The following GRM3 variants were observed in gnomAD, a reference collection of about 807,000 sequenced individuals.
GRM3 encodes the protein metabotropic glutamate receptor 3.
GRM3 carries 26 observed loss-of-function variants against 70.5 expected under a neutral mutation model. The observed-to-expected ratio is 0.37, with a 90% CI of 0.27 to 0.51. The LOEUF is 0.51. GRM3 is among the 20% of genes least tolerant of loss of function. GRM3 has a pLI of 0.93. For synonymous variants in GRM3, 443 were observed against 434.9 expected (o/e 1.02, Z -0.23); for missense variants, 859 against 1,123.8 (o/e 0.76, Z 3.37).
chr7:86,671,781 T>C (rs1230480483), intron 1 of GRM3, among the ~76,000 whole-genome samples: 3 of 152,206 alleles, frequency 2.0e-5, no homozygotes, highest in East Asian at 1.9e-4. Context: ...TCACTTCATT[T>C]GATTCTTTAC....
chr7:86,684,938 G>A (rs1794528320), intron 1 of GRM3, among the ~76,000 whole-genome samples: 1 of 152,132 alleles, frequency 6.6e-6, no homozygotes, highest in Admixed American at 6.6e-5. Context: ...GATGGTATGA[G>A]GATTAATTGT....
intron 2 of GRM3, among the ~76,000 whole-genome samples, chr7:86,768,758 C>G (rs917268983): frequency 2.0e-5 from 3 of 152,072 alleles, no homozygotes; most frequent in Admixed American, 2.0e-4. Context: ...CTCCATGGCT[C>G]CAACATTTCC....
At chr7:86,802,673 T>A (rs967855814) in intron 3 of GRM3, among the ~76,000 whole-genome samples, 1 of 151,904 alleles carries the variant, frequency 6.6e-6, no homozygotes, top group South Asian at 2.1e-4. Flanking sequence ...CTCTTCCCTA[T>A]CACACCATTC....
chr7:86,852,610 A>T (rs1457241525), intron 5 of GRM3, among the ~76,000 whole-genome samples: 1 of 152,076 alleles, frequency 6.6e-6, no homozygotes, highest in Non-Finnish European at 1.5e-5. Context: ...ACTTTTTTTT[A>T]AAAAAGGTCT....
At chr7:86,744,424 A>G (rs952202982) in intron 1 of GRM3, among the ~76,000 whole-genome samples, 3 of 151,832 alleles carry the variant, frequency 2.0e-5, no homozygotes, top group Non-Finnish European at 4.4e-5. Context: ...GGGCTATCTT[A>G]CAGATTCTAC....
intron 2 of GRM3, chr7:86,784,123 G>C (rs563297169): frequency 6.6e-6 from 1 of 152,162 alleles, no homozygotes; most frequent in East Asian, 1.9e-4. Flanking sequence ...TGGCTAGTTC[G>C]TTCTCTTGCA....
intron 4 of GRM3, among the ~76,000 whole-genome samples, chr7:86,841,778 C>CA (rs1480043423): frequency 2.0e-5 from 3 of 152,094 alleles, no homozygotes; most frequent in Non-Finnish European, 2.9e-5. Flanking sequence ...CTAAGACACA[C>CA]AAAAAATGAC....
chr7:86,762,100 G>A (rs952924504), intron 1 of GRM3, among the ~76,000 whole-genome samples: 2 of 152,034 alleles, frequency 1.3e-5, no homozygotes, highest in African/African-American at 2.4e-5. Context: ...TATCATTAGC[G>A]ATAATGATCG....
At chr7:86,665,882 C>T (rs1458989593) in intron 1 of GRM3, among the ~76,000 whole-genome samples, 1 of 151,998 alleles carries the variant, frequency 6.6e-6, no homozygotes, top group African/African-American at 2.4e-5. Flanking sequence ...GAGTGTCAGA[C>T]GTTTACTTAC....
At chr7:86,836,378 A>G (rs977110343) in intron 3 of GRM3, among the ~76,000 whole-genome samples, 3 of 152,240 alleles carry the variant, frequency 2.0e-5, no homozygotes, top group Admixed American at 6.5e-5. Context: ...AGAATATTTA[A>G]GTAGCTTGGT....
intron 3 of GRM3, among the ~76,000 whole-genome samples, chr7:86,795,181 T>C (rs548422858): frequency 6.6e-6 from 1 of 152,196 alleles, no homozygotes; most frequent in East Asian, 1.9e-4. Context: ...TCTCTTTTAC[T>C]TTTAGAGTGG....
chr7:86,701,699 C>G (rs1048251833), intron 1 of GRM3, among the ~76,000 whole-genome samples: 6 of 151,846 alleles, frequency 4.0e-5, no homozygotes, highest in Non-Finnish European at 8.8e-5. Context: ...AAAAGGAATA[C>G]TCTTATGGGA....
intron 1 of GRM3, among the ~76,000 whole-genome samples, chr7:86,664,063 A>G (rs1398796759): frequency 1.3e-5 from 2 of 152,016 alleles, no homozygotes; most frequent in African/African-American, 4.8e-5. Context: ...GCAGCACTAT[A>G]TTATGTTGAG....
In GRM3 at chr7:86,850,249, A is replaced by G. The variant is rs149641247; in HGVS notation, c.2392-121A>G. 26 of 648,616 alleles carry G rather than the reference A, an allele frequency of 4.0e-5. 2 individuals carry two copies. The highest frequency in any genetic ancestry group is 3.3e-4 in the African/African-American group (18 of 55,300). 40.2% of individuals were successfully genotyped at this position (648,616 alleles called of 1,614,324 possible). On this transcript the variant is annotated intron_variant, in intron 4 of 5. Coordinates refer to ENST00000361669, the MANE Select transcript of GRM3 (RefSeq NM_000840.3). ...TAATTACTGTATTGATTTGGCTACA[A>G]TAAGGACAGAGCTGTCAATTATTCT...
intron 3 of GRM3, among the ~76,000 whole-genome samples, chr7:86,832,841 A>AGCTAAACTAATTGGATAATG (rs1798381164): frequency 6.6e-6 from 1 of 152,094 alleles, no homozygotes; most frequent in East Asian, 1.9e-4. Context: ...ATTGGATAAT[A>AGCTAAACTAATTGGATAATG]AGCTAACCCG....
At chr7:86,719,630 G>A (rs561283728) in intron 1 of GRM3, among the ~76,000 whole-genome samples, 30 of 152,154 alleles carry the variant, frequency 2.0e-4, no homozygotes, top group East Asian at 1.2e-3. Flanking sequence ...GAAGGAAGAA[G>A]GGGATGCTAT....
At chr7:86,856,589 CTAAAA>C (rs1048947386) in intron 5 of GRM3, among the ~76,000 whole-genome samples, 11 of 152,076 alleles carry the variant, frequency 7.2e-5, no homozygotes, top group African/African-American at 2.4e-4. Context: ...ATCCCCAAAC[CTAAAA>C]TAAAAGTTAA....
intron 1 of GRM3, among the ~76,000 whole-genome samples, chr7:86,694,682 A>G (rs1351722135): frequency 1.3e-5 from 2 of 152,110 alleles, no homozygotes; most frequent in African/African-American, 4.8e-5. Context: ...GATCCATGGT[A>G]TATTTATTTT....
intron 1 of GRM3, among the ~76,000 whole-genome samples, chr7:86,700,169 A>G (rs1191496279): frequency 1.3e-5 from 2 of 152,024 alleles, no homozygotes; most frequent in Admixed American, 6.6e-5. Flanking sequence ...TTGACTTGCA[A>G]TAAAAAATAA....
Sources: gnomAD v4.1 joint callset for allele counts (sites outside exome capture counted in the v4.1 genomes callset) on GRCh38, gnomAD v4.1.1 for gene constraint, MANE v1.5 for transcripts, NCBI Gene and HGNC (gene_info 2026-07-23, HGNC 2026-07-21) for gene names.